SHANK2: variants seen among roughly 807,000 people sequenced by gnomAD.
SHANK2 encodes SH3 and multiple ankyrin repeat domains 2, also known as SH3 and multiple ankyrin repeat domains protein 2.
A neutral mutation model predicts 133.7 loss-of-function variants in SHANK2; 43 were observed. That is an observed-to-expected ratio of 0.32 (90% CI 0.25 to 0.41). The LOEUF (loss-of-function observed/expected upper bound fraction) is 0.41. Among genes scored for constraint, SHANK2 ranks in the 10% least tolerant of loss-of-function variants. The pLI, the probability that SHANK2 is intolerant of heterozygous loss-of-function variation, is 1.00. For missense variants in SHANK2, 1,994 were observed against 2,235.8 expected (o/e 0.89, Z 2.18); for synonymous variants, 1,017 against 952.8 (o/e 1.07, Z -1.24).
At chr11:71,085,663 TATATA>T (rs2069618687) in intron 8 of SHANK2, among the ~76,000 whole-genome samples, 1 of 9,530 alleles carries the variant, frequency 1.0e-4, no homozygotes, top group Non-Finnish European at 3.1e-4. Context: ...TATATTATAT[TATATA>T]TGTTATATAT....
chr11:71,189,872 G>A (rs887415726), intron 2 of SHANK2, among the ~76,000 whole-genome samples: 1 of 152,246 alleles, frequency 6.6e-6, no homozygotes, highest in Non-Finnish European at 1.5e-5. Flanking sequence ...AAGCTCTTCT[G>A]CCAGCCTGGC....
At chr11:70,489,952 G>T (rs1339792153) in intron 23 of SHANK2, 1 of 375,144 alleles carries the variant, frequency 2.7e-6, no homozygotes, top group Non-Finnish European at 5.1e-6. Context: ...GGGTGGGGGA[G>T]GGGGGTTGGC....
intron 15 of SHANK2, among the ~76,000 whole-genome samples, chr11:70,671,168 T>C (rs905046497): frequency 6.6e-6 from 1 of 152,182 alleles, no homozygotes. Context: ...ACCAGGCATG[T>C]TACCTGCCAG....
intron 14 of SHANK2, among the ~76,000 whole-genome samples, chr11:70,784,263 G>A (rs908345896): frequency 7.6e-5 from 11 of 144,848 alleles, no homozygotes; most frequent in Middle Eastern, 3.7e-3. Context: ...TGCAACCTCC[G>A]CCTCCCAGGT....
intron 14 of SHANK2, among the ~76,000 whole-genome samples, chr11:70,714,289 G>A (rs572886208): frequency 1.9e-4 from 29 of 152,256 alleles, no homozygotes; most frequent in Non-Finnish European, 3.8e-4. Context: ...CCGTGGCGCA[G>A]CTATGCCCAC....
chr11:70,626,501 C>T (rs1217650444), intron 17 of SHANK2, among the ~76,000 whole-genome samples: 3 of 152,122 alleles, frequency 2.0e-5, no homozygotes, highest in East Asian at 1.9e-4. Flanking sequence ...GCAAGCTTTA[C>T]GCCACAAAGC....
At chr11:70,855,557 C>A (rs2135482567) in intron 11 of SHANK2, among the ~76,000 whole-genome samples, 1 of 152,334 alleles carries the variant, frequency 6.6e-6, no homozygotes, top group Non-Finnish European at 1.5e-5. Context: ...TTCAACAGCT[C>A]CCATGGTTAG....
intron 20 of SHANK2, 34 bp downstream of exon 20, chr11:70,501,889 G>A (rs968240704): frequency 6.4e-7 from 1 of 1,556,830 alleles, no homozygotes; most frequent in Non-Finnish European, 8.7e-7. Context: ...GACAGCAGGG[G>A]GAGCTGCTTT....
intron 14 of SHANK2, among the ~76,000 whole-genome samples, chr11:70,775,796 T>C (rs1455708441): frequency 1.3e-5 from 2 of 152,240 alleles, no homozygotes; most frequent in Non-Finnish European, 2.9e-5. Context: ...TTAAATTTAA[T>C]CTGCAAATGT....
chr11:70,590,168 C>T (rs1252792164), intron 17 of SHANK2, among the ~76,000 whole-genome samples: 4 of 151,950 alleles, frequency 2.6e-5, no homozygotes, highest in African/African-American at 7.2e-5. Context: ...TCTAAACAAA[C>T]AAACAAACAA....
In SHANK2 at chr11:70,548,415, G is replaced by A. The variant is rs566802142; in HGVS notation, c.2062-45484C>T. On this transcript the variant is annotated intron_variant, in intron 17 of 25. Coordinates refer to ENST00000601538, the MANE Select transcript of SHANK2 (RefSeq NM_012309.5). Reference sequence around the variant, plus strand: ...GGCTGCCTAGCCCAAGTCCCATCCCGTCCACCCGCCACTTCCCTGCTCTTG... The same window carrying A: ...GGCTGCCTAGCCCAAGTCCCATCCCATCCACCCGCCACTTCCCTGCTCTTG... 4.6e-5 allele frequency among the ~76,000 whole-genome samples: 7 copies of A among 152,222 alleles called. No individual in the cohort carries two copies. The East Asian group carries it at 5.8e-4, about 13-fold the overall frequency.
At chr11:71,245,346 T>A (rs1312151699) in intron 1 of SHANK2, among the ~76,000 whole-genome samples, 1 of 152,228 alleles carries the variant, frequency 6.6e-6, no homozygotes, top group Non-Finnish European at 1.5e-5. Flanking sequence ...TATACCAACA[T>A]GTCATGAGTT....
intron 2 of SHANK2, among the ~76,000 whole-genome samples, chr11:71,163,097 C>CAT (rs11271716): frequency 0.33 from 32,672 of 99,924 alleles, 7,713 homozygotes; most frequent in South Asian, 0.51. Context: ...AAAAAAAATA[C>CAT]ATATATATAT....
intron 3 of SHANK2, among the ~76,000 whole-genome samples, chr11:71,119,412 G>A (rs1270416394): frequency 2.6e-5 from 4 of 151,808 alleles, no homozygotes; most frequent in East Asian, 1.9e-4. Flanking sequence ...AAACCCCATC[G>A]CTGCTAAAAA....
rs1015955787 is a variant in SHANK2 at position 71,230,125 on chromosome 11, C to G, written c.-112-5329G>C. On this transcript the variant is annotated intron_variant, in intron 1 of 25. Coordinates refer to ENST00000601538, the MANE Select transcript of SHANK2 (RefSeq NM_012309.5). ...CCAACGTGGTGAAACCCCATCTCTA[C>G]TAAAAACACAAAAAATTAGCCAGGT... Among the ~76,000 whole-genome samples, 4 of 152,124 alleles carry G rather than the reference C, an allele frequency of 2.6e-5. No homozygotes were observed. The East Asian group carries it at 7.7e-4, about 29-fold the overall frequency.
At chr11:70,756,971 GC>G (rs1160550689) in intron 14 of SHANK2, among the ~76,000 whole-genome samples, 1 of 152,132 alleles carries the variant, frequency 6.6e-6, no homozygotes, top group African/African-American at 2.4e-5. Flanking sequence ...AGGTCCTTGC[GC>G]CCCCGTCTGC....
At chr11:70,524,741 G>C (rs1159673885) in intron 17 of SHANK2, among the ~76,000 whole-genome samples, 2 of 152,356 alleles carry the variant, frequency 1.3e-5, no homozygotes, top group East Asian at 3.9e-4. Context: ...AAAGAAGGGT[G>C]GGGGAAGCCC....
In SHANK2 at chr11:70,884,743, G is replaced by A. The variant is rs56966079; in HGVS notation, c.1174+11758C>T. ...TTTCTTTTCTTTCTTTTTTTGAGAC[G>A]AAGTCTCGTTCTTGTTGCCCAGGCT... is the stretch of plus-strand genomic sequence containing the variant. On this transcript the variant is annotated intron_variant, in intron 11 of 25. Coordinates refer to ENST00000601538, the MANE Select transcript of SHANK2 (RefSeq NM_012309.5). Among the ~76,000 whole-genome samples the A allele has an allele frequency of 8.3e-3, 1,259 of 152,174 alleles. 16 individuals are homozygous for A. Among genetic ancestry groups the A allele is most frequent in the African/African-American group, 0.028 (1,174 of 41,522 alleles).
At chr11:70,591,769 C>A (rs1157365272) in intron 17 of SHANK2, among the ~76,000 whole-genome samples, 3 of 152,132 alleles carry the variant, frequency 2.0e-5, no homozygotes, top group East Asian at 3.9e-4. Context: ...GTAATCCCAG[C>A]ACTTTGGGAG....
Sources: gnomAD v4.1 joint callset for allele counts (sites outside exome capture counted in the v4.1 genomes callset) on GRCh38, gnomAD v4.1.1 for gene constraint, MANE v1.5 for transcripts, NCBI Gene and HGNC (gene_info 2026-07-23, HGNC 2026-07-21) for gene names.